CXADR: variants seen among roughly 807,000 people sequenced by gnomAD.
CXADR encodes the protein coxsackievirus and adenovirus receptor.
CXADR carries 20 observed loss-of-function variants against 40.3 expected under a neutral mutation model. The observed-to-expected ratio is 0.50, with a 90% CI of 0.35 to 0.72. The LOEUF (loss-of-function observed/expected upper bound fraction) is 0.72, where lower values mean the gene tolerates loss of function less well. CXADR is among the 30% of genes least tolerant of loss of function. The pLI, the probability that CXADR is intolerant of heterozygous loss-of-function variation, is 0.01. For missense variants in CXADR, 332 were observed against 449.1 expected (o/e 0.74, Z 2.36); for synonymous variants, 150 against 161.3 (o/e 0.93, Z 0.53).
chr21:17,601,531 A>G, the CXADR span, among the ~76,000 whole-genome samples: 1 of 152,190 alleles, frequency 6.6e-6, no homozygotes, highest in East Asian at 1.9e-4. Flanking sequence ...CTCTAAAACA[A>G]AACAAAACAA....
In CXADR at chr21:17,515,550, G is replaced by C. The variant is rs574326196; in HGVS notation, c.43+2378G>C. On this transcript the variant is annotated intron_variant, in intron 1 of 6. Transcript: ENST00000284878. ...GTATGGGCCGGGCGCGGTGGCTCACGCCTGTAATCCCAGCACTTTGGGAGG... is the reference window on the plus strand; with the variant it reads ...GTATGGGCCGGGCGCGGTGGCTCACCCCTGTAATCCCAGCACTTTGGGAGG... Among the ~76,000 whole-genome samples the C allele has an allele frequency of 2.6e-5, 4 of 152,284 alleles. No homozygotes were observed. The South Asian group carries it at 8.3e-4, about 32-fold the overall frequency.
chr21:17,567,788 C>G lies in CXADR; in HGVS notation c.*2096C>G. The G allele has an allele frequency of 3.2e-6, 3 of 926,680 alleles. No homozygotes were observed. The highest frequency in any genetic ancestry group is 3.9e-6 in the Non-Finnish European group (3 of 777,130). 57.4% of individuals were successfully genotyped at this position (926,680 alleles called of 1,614,324 possible). A position where few individuals can be genotyped will look rare whatever the true frequency, so the allele number is the denominator to read the frequency against. ...TTTGGTTCTTCCTATTCCTGACTTT[C>G]ATATAATGAAAATTATCCTATTGAT... On this transcript the variant is annotated 3_prime_UTR_variant, in exon 7 of 7. Coordinates refer to ENST00000284878, the MANE Select transcript of CXADR (RefSeq NM_001338.5).
At chr21:17,603,347 C>G in the CXADR span, among the ~76,000 whole-genome samples, 13 of 152,072 alleles carry the variant, frequency 8.5e-5, no homozygotes, top group Non-Finnish European at 1.6e-4. Context: ...CTTTTCTACC[C>G]GAGAAAGAAG....
rs547136215 is a variant in CXADR at position 17,539,807 on chromosome 21, C to T, written c.44-7220C>T. 1.1e-4 allele frequency among the ~76,000 whole-genome samples: 17 copies of T among 152,120 alleles called. 1 individual carries two copies. The South Asian group carries it at 2.7e-3, about 24-fold the overall frequency. The stretch of plus-strand genomic sequence containing the variant: ...CATTTTTCCATCATTTTGCGAATTC[C>T]CAATATGTTTAAATCTTCTTGAGAA... On this transcript the variant is annotated intron_variant, in intron 1 of 6. Transcript: ENST00000284878.
chr21:17,611,079 G>A, the CXADR span, among the ~76,000 whole-genome samples: 2 of 152,164 alleles, frequency 1.3e-5, no homozygotes, highest in African/African-American at 4.8e-5. Flanking sequence ...GAGTGTACAC[G>A]TATACATAAC....
At chr21:17,620,079 C>A in the CXADR span, among the ~76,000 whole-genome samples, 1 of 152,200 alleles carries the variant, frequency 6.6e-6, no homozygotes, top group Non-Finnish European at 1.5e-5. Flanking sequence ...TGGAGCAGCA[C>A]TTTTAATTTC....
intron 2 of CXADR, 105 bp from the exon 3 acceptor site, chr21:17,551,644 G>C: frequency 1.1e-6 from 1 of 897,692 alleles, no homozygotes. Flanking sequence ...TTCTTTTCTG[G>C]GAGGGGGCGT....
chr21:17,534,520 A>G (rs1229839666), intron 1 of CXADR, among the ~76,000 whole-genome samples: 1 of 152,186 alleles, frequency 6.6e-6, no homozygotes, highest in Admixed American at 6.6e-5. Flanking sequence ...ATCTCAAAGC[A>G]ACTTCCTGGG....
At chr21:17,596,883 CCT>C (rs530155740), downstream of CXADR, among the ~76,000 whole-genome samples, 130 of 152,074 alleles carry the variant, frequency 8.5e-4, 1 homozygote, top group African/African-American at 2.9e-3. Context: ...TTCTTTATCC[CCT>C]CTCTTGGGAT....
Position 17,569,564 on chromosome 21 carries a change from T to A in CXADR, c.*3872T>A. 1.0e-6 allele frequency: 1 copy of A among 985,290 alleles called. No homozygotes were observed. The highest frequency in any genetic ancestry group is 1.2e-6 in the Non-Finnish European group (1 of 829,850). The allele number at this position is 985,290 out of a possible 1,614,324, so 61.0% of individuals were successfully genotyped here. A position where few individuals can be genotyped will look rare whatever the true frequency, so the allele number is the denominator to read the frequency against. Reference sequence around the variant, plus strand: ...ACTGAGCACAAATTCCTTTTATAAATGTTATAGAAGCAGGGAAGAATAATA... The same window carrying A: ...ACTGAGCACAAATTCCTTTTATAAAAGTTATAGAAGCAGGGAAGAATAATA... On this transcript the variant is annotated 3_prime_UTR_variant, in exon 7 of 7. Transcript: ENST00000284878.
Position 17,560,843 on chromosome 21 carries a change from G to T in CXADR, c.694+19G>T. ...GTCCCTCGTAAGTTATCTTCTTTCT[G>T]TTGGTGGTTTTGTTTCTGTTATCTT... On this transcript the variant is annotated intron_variant, in intron 5 of 6. Transcript: ENST00000284878. The T allele has an allele frequency of 1.2e-6, 2 of 1,611,768 alleles. No individual in the cohort carries two copies. The highest frequency in any genetic ancestry group is 2.2e-5 in the East Asian group (1 of 44,808).
chr21:17,550,912 G>T (rs1195269013), intron 2 of CXADR, among the ~76,000 whole-genome samples: 3 of 152,098 alleles, frequency 2.0e-5, no homozygotes, highest in Admixed American at 2.0e-4. Flanking sequence ...TTTATTTTAT[G>T]ATTTTATCTG....
intron 2 of CXADR, among the ~76,000 whole-genome samples, chr21:17,548,285 C>G (rs916293998): frequency 6.6e-6 from 1 of 152,078 alleles, no homozygotes; most frequent in South Asian, 2.1e-4. Flanking sequence ...TCGGTTTGCC[C>G]TTGATGTTTA....
At chr21:17,593,134 CTTTT>C in intron 7 of CXADR, 2 of 1,402,584 alleles carry the variant, frequency 1.4e-6, no homozygotes. Flanking sequence ...AGAGATATCT[CTTTT>C]TTTCTTTTTG....
At chr21:17,581,613 G>T (rs2061360073) in intron 7 of CXADR, among the ~76,000 whole-genome samples, 1 of 151,544 alleles carries the variant, frequency 6.6e-6, no homozygotes, top group South Asian at 2.1e-4. Flanking sequence ...GGAGGCTGAG[G>T]TAGGAGGATC....
chr21:17,524,874 A>C (rs2060579456), intron 1 of CXADR, among the ~76,000 whole-genome samples: 1 of 152,068 alleles, frequency 6.6e-6, no homozygotes. Context: ...GCACCACCGC[A>C]CTCCAGCCTG....
Position 17,568,104 on chromosome 21 carries a change from C to T in CXADR, c.*2412C>T. 1.2e-6 allele frequency: 1 copy of T among 854,146 alleles called. No individual in the cohort carries two copies. Among genetic ancestry groups the T allele is most frequent in the Non-Finnish European group, 1.4e-6 (1 of 715,750 alleles). 52.9% of individuals were successfully genotyped at this position (854,146 alleles called of 1,614,324 possible). The stretch of plus-strand genomic sequence containing the variant: ...AATTACTAAAGCATTTCCGTTAGAT[C>T]AGTCAAGGACAGTACTGCATCTTTT... On this transcript the variant is annotated 3_prime_UTR_variant, in exon 7 of 7. Transcript: ENST00000284878.
downstream of CXADR, among the ~76,000 whole-genome samples, chr21:17,597,003 G>T (rs1281678003): frequency 6.6e-6 from 1 of 151,992 alleles, no homozygotes; most frequent in Non-Finnish European, 1.5e-5. Context: ...CAAGATACTA[G>T]AAAGAAGAAA....
downstream of CXADR, among the ~76,000 whole-genome samples, chr21:17,594,641 G>C (rs1399132002): frequency 6.6e-6 from 1 of 152,102 alleles, no homozygotes; most frequent in African/African-American, 2.4e-5. Context: ...GCTTGTTTTA[G>C]TCCAGTGGTT....
Sources: gnomAD v4.1 joint callset for allele counts (sites outside exome capture counted in the v4.1 genomes callset) on GRCh38, gnomAD v4.1.1 for gene constraint, MANE v1.5 for transcripts, NCBI Gene and HGNC (gene_info 2026-07-23, HGNC 2026-07-21) for gene names.